Variants in VAMP4 observed in about 807,000 individuals in gnomAD.
The protein encoded by VAMP4 is vesicle-associated membrane protein 4.
VAMP4 carries 19 observed loss-of-function variants against 23.5 expected under a neutral mutation model. The observed-to-expected ratio is 0.81, with a 90% CI of 0.56 to 1.19. The LOEUF (loss-of-function observed/expected upper bound fraction) is 1.19, where lower values mean the gene tolerates loss of function less well. VAMP4 is among the 50% of genes most tolerant of loss of function. The pLI, the probability that VAMP4 is intolerant of heterozygous loss-of-function variation, is 0.00. For missense variants in VAMP4, 145 were observed against 168.6 expected, an observed-to-expected ratio of 0.86 and a Z score of 0.78; for synonymous variants, 31 against 51.0, an observed-to-expected ratio of 0.61 and a Z score of 1.67.
chr1:171,718,706 A>C (rs533656736), intron 4 of VAMP4, among the ~76,000 whole-genome samples: 3 of 152,316 alleles, frequency 2.0e-5, no homozygotes, highest in Admixed American at 2.0e-4. Context: ...TCATTCTGAA[A>C]ATAGGAATCA....
intron 4 of VAMP4, among the ~76,000 whole-genome samples, chr1:171,716,460 A>C (rs1239007701): frequency 6.6e-6 from 1 of 152,234 alleles, no homozygotes; most frequent in Non-Finnish European, 1.5e-5. Flanking sequence ...AAAACAAAAC[A>C]AAATTTAAAA....
intron 3 of VAMP4, 62 bp from the exon 4 acceptor site, chr1:171,719,283 AAGAT>A (rs1655115335): frequency 2.8e-6 from 4 of 1,404,172 alleles, no homozygotes; most frequent in Non-Finnish European, 3.0e-6. Flanking sequence ...AAACAAAAAA[AAGAT>A]AGAAAGTATA....
In VAMP4 at chr1:171,702,779, A is replaced by G. The variant is rs1654488482; in HGVS notation, c.*1727T>C. The G allele has an allele frequency of 6.6e-6, 1 of 152,046 alleles. No individual in the cohort carries two copies. The highest frequency in any genetic ancestry group is 1.5e-5 in the Non-Finnish European group (1 of 67,880). 9.4% of individuals were successfully genotyped at this position (152,046 alleles called of 1,614,324 possible). A position where few individuals can be genotyped will look rare whatever the true frequency, so the allele number is the denominator to read the frequency against. On this transcript the variant is annotated 3_prime_UTR_variant, in exon 8 of 8. Coordinates refer to ENST00000236192, the MANE Select transcript of VAMP4 (RefSeq NM_003762.5). ...GCTGTTTATATTAATTGACATTTAC[A>G]AAGAGCATAGAGACCAAAGACAATA...
At chr1:171,731,529 C>G (rs112515864) in intron 2 of VAMP4, among the ~76,000 whole-genome samples, 2,199 of 152,212 alleles carry the variant, frequency 0.014, 50 homozygotes, top group African/African-American at 0.049. Flanking sequence ...TAAAAAATCA[C>G]TCTGAAGAGG....
rs1654501208 is a variant in VAMP4, at chr1:171,703,021, C to A, written c.*1485G>T. 6.6e-6 allele frequency: 1 copy of A among 151,766 alleles called. No individual in the cohort carries two copies. The highest frequency in any genetic ancestry group is 2.4e-5 in the African/African-American group (1 of 41,380). 9.4% of individuals were successfully genotyped at this position (151,766 alleles called of 1,614,324 possible). A position where few individuals can be genotyped will look rare whatever the true frequency, so the allele number is the denominator to read the frequency against. On this transcript the variant is annotated 3_prime_UTR_variant, in exon 8 of 8. Transcript: ENST00000236192. ...AAAACAGACAAAAAAACACCAAACC[C>A]AGATTCTATGCTTTATTCATTTTGC...
intron 2 of VAMP4, 43 bp downstream of exon 2, chr1:171,738,306 A>G (rs1410573213): frequency 1.2e-6 from 2 of 1,604,512 alleles, no homozygotes; most frequent in Non-Finnish European, 8.5e-7. Flanking sequence ...ATGAAAACAT[A>G]TTTTGAATCT....
chr1:171,729,628 A>T (rs114009542), intron 2 of VAMP4, among the ~76,000 whole-genome samples: 1 of 152,158 alleles, frequency 6.6e-6, no homozygotes, highest in African/African-American at 2.4e-5. Context: ...TAGCTCCCCA[A>T]AGATGTTCAT....
At chr1:171,715,995 T>C (rs1392654998) in intron 4 of VAMP4, among the ~76,000 whole-genome samples, 1 of 152,154 alleles carries the variant, frequency 6.6e-6, no homozygotes, top group East Asian at 1.9e-4. Flanking sequence ...AGCAAAACCC[T>C]GTTTCAAAAA....
At chr1:171,710,287 G>A (rs966640343) in intron 5 of VAMP4, among the ~76,000 whole-genome samples, 16 of 151,628 alleles carry the variant, frequency 1.1e-4, no homozygotes, top group Non-Finnish European at 2.1e-4. Flanking sequence ...ATAGGTATAG[G>A]TATAGGTATA....
intron 3 of VAMP4, among the ~76,000 whole-genome samples, chr1:171,727,676 C>G (rs1462705160): frequency 6.6e-6 from 1 of 151,956 alleles, no homozygotes; most frequent in Non-Finnish European, 1.5e-5. Flanking sequence ...ATGTAAAAGC[C>G]AAAAAGTAGA....
chr1:171,732,933 G>A (rs1655608613), intron 2 of VAMP4, among the ~76,000 whole-genome samples: 2 of 152,078 alleles, frequency 1.3e-5, no homozygotes, highest in South Asian at 4.1e-4. Flanking sequence ...AAGACCTGAT[G>A]TCTGTATTAT....
At chr1:171,716,591 C>T (rs929857041) in intron 4 of VAMP4, among the ~76,000 whole-genome samples, 6 of 152,304 alleles carry the variant, frequency 3.9e-5, no homozygotes, top group East Asian at 3.9e-4. Context: ...TAGGATTAAT[C>T]TGTTATCAAC....
intron 4 of VAMP4, among the ~76,000 whole-genome samples, chr1:171,716,214 T>G (rs764572223): frequency 6.6e-5 from 10 of 152,168 alleles, no homozygotes; most frequent in Non-Finnish European, 1.2e-4. Context: ...TGACCAAGAC[T>G]ATAATTGGGA....
chr1:171,714,096 T>A (rs1440813830), intron 4 of VAMP4, among the ~76,000 whole-genome samples: 2 of 152,216 alleles, frequency 1.3e-5, no homozygotes, highest in Non-Finnish European at 2.9e-5. Flanking sequence ...ATCCAGCTAC[T>A]ATGTAACCTT....
chr1:171,730,043 CA>C (rs1338599102), intron 2 of VAMP4, among the ~76,000 whole-genome samples: 1 of 152,138 alleles, frequency 6.6e-6, no homozygotes, highest in Non-Finnish European at 1.5e-5. Context: ...AAAAGGTAAA[CA>C]GCCTCTAGGA....
chr1:171,739,100 A>G (rs1456057695), intron 1 of VAMP4, among the ~76,000 whole-genome samples: 1 of 147,766 alleles, frequency 6.8e-6, no homozygotes, highest in Admixed American at 6.6e-5. Flanking sequence ...GTGTATGCTA[A>G]TAAGATGACT....
intron 3 of VAMP4, among the ~76,000 whole-genome samples, chr1:171,726,298 C>T (rs964516696): frequency 6.6e-6 from 1 of 152,130 alleles, no homozygotes; most frequent in Non-Finnish European, 1.5e-5. Context: ...GATCCGCCCG[C>T]CTCGGCCTCC....
In VAMP4 at chr1:171,733,294, C is replaced by CAAAA. The variant is rs35176644; in HGVS notation, c.67-4728_67-4725dup. ...GCAATACGGTGAAACCCCATCTCTA[C>CAAAA]AAAAAAAAAAAAAAAAAAAAAAAAA... On this transcript the variant is annotated intron_variant, in intron 2 of 7. Coordinates refer to ENST00000236192, the MANE Select transcript of VAMP4 (RefSeq NM_003762.5). Among the ~76,000 whole-genome samples the CAAAA allele has an allele frequency of 8.8e-4, 51 of 58,108 alleles. 3 individuals are homozygous for CAAAA. Among genetic ancestry groups the CAAAA allele is most frequent in the African/African-American group, 2.5e-3 (34 of 13,598 alleles). The allele number at this position is 58,108 out of a possible 152,430, so 38.1% of individuals were successfully genotyped here. A position where few individuals can be genotyped will look rare whatever the true frequency, so the allele number is the denominator to read the frequency against.
chr1:171,716,378 A>AACTT (rs1655022030), intron 4 of VAMP4, among the ~76,000 whole-genome samples: 1 of 152,096 alleles, frequency 6.6e-6, no homozygotes. Context: ...TGGAATGCTG[A>AACTT]CTCCATTCCT....
Sources: gnomAD v4.1 joint callset for allele counts (sites outside exome capture counted in the v4.1 genomes callset) on GRCh38, gnomAD v4.1.1 for gene constraint, MANE v1.5 for transcripts, NCBI Gene and HGNC (gene_info 2026-07-23, HGNC 2026-07-21) for gene names.